The following RGL2 variants were observed in gnomAD, a reference collection of about 807,000 sequenced individuals.
RGL2 encodes ral guanine nucleotide dissociation stimulator like 2.
In RGL2, 40 loss-of-function variants were observed where a neutral mutation model predicts 84.6. The observed-to-expected ratio is 0.47, with a 90% confidence interval of 0.37 to 0.62. The LOEUF is 0.62. RGL2 is among the 20% of genes least tolerant of loss of function. The probability of loss-of-function intolerance (pLI) is 0.00; values close to 1 mark genes in which losing one functional copy is unlikely to be tolerated. For synonymous variants in RGL2, 369 were observed against 417.3 expected (o/e 0.88, Z 1.41); for missense variants, 865 against 1,019.7 (o/e 0.85, Z 2.07).
Position 33,298,443 on chromosome 6 carries a change from C to T in RGL2, c.156+12G>A, listed in dbSNP as rs753788752. 43 of 1,426,236 alleles carry T rather than the reference C, an allele frequency of 3.0e-5. No individual in the cohort carries two copies. Among genetic ancestry groups the T allele is most frequent in the Admixed American group, 1.5e-4 (7 of 47,730 alleles). The allele number at this position is 1,426,236 out of a possible 1,614,324, so 88.3% of individuals were successfully genotyped here. On this transcript the variant is annotated intron_variant, in intron 2 of 17. Transcript: ENST00000497454. This position sits in a 1 kb window ranked among gnomAD's most constrained non-coding sequence, Gnocchi z 4.8. ...TACATACGCCCCCTACCTCCCACCA[C>T]CCGCGTCTCACCTCTTCTTCTTCCT...
chr6:33,294,926 C>A lies in RGL2; in HGVS notation c.1278+51G>T. The A allele has an allele frequency of 1.3e-6, 2 of 1,540,300 alleles. No individual in the cohort carries two copies. Among genetic ancestry groups the A allele is most frequent in the Non-Finnish European group, 1.8e-6 (2 of 1,138,534 alleles). On this transcript the variant is annotated intron_variant, in intron 10 of 17. Coordinates refer to ENST00000497454, the MANE Select transcript of RGL2 (RefSeq NM_004761.5). This position sits in a 1 kb window ranked among gnomAD's most constrained non-coding sequence, Gnocchi z 5.0. ...GGCTGCTCCCCCAAAACATACTCCTCACCCCTTCATAATCACCACCCCCAC... is the reference window on the plus strand; with the variant it reads ...GGCTGCTCCCCCAAAACATACTCCTAACCCCTTCATAATCACCACCCCCAC...
Position 33,295,753 on chromosome 6 carries a change from A to G in RGL2, c.775T>C (p.Phe259Leu). 1 of 1,613,326 alleles carries G rather than the reference A, an allele frequency of 6.2e-7. No homozygotes were observed. The highest frequency in any genetic ancestry group is 8.5e-7 in the Non-Finnish European group (1 of 1,179,718). The change falls in exon 7 of 18, where the codon TTT becomes CTT. Residue 259 changes from phenylalanine to leucine, a missense_variant. This residue lies in a region of RGL2 where 455 missense variants were observed against 507.8 expected (regional missense o/e 0.90). Transcript: ENST00000497454. This position sits in a 1 kb window ranked among gnomAD's most constrained non-coding sequence, Gnocchi z 7.2. The part of the protein sequence containing the change: ...EQLTLLDAEL[F>L]LNLIPSQCLG... ...CACTGAGAGGGGATCAAATTGAGAA[A>G]AAGTTCCTGCAGGGTAGAGGTCAGA...
At position 33,294,613 on chromosome 6, in the gene RGL2, A is replaced by G. The variant is rs969408982; in HGVS notation, c.1353+75T>C. The G allele has an allele frequency of 1.5e-5, 23 of 1,537,252 alleles. No individual in the cohort carries two copies. Among genetic ancestry groups the G allele is most frequent in the Admixed American group, 7.0e-5 (4 of 57,266 alleles). On this transcript the variant is annotated intron_variant, in intron 11 of 17. Transcript: ENST00000497454. The surrounding 1 kb of genome is among the most constrained non-coding windows in gnomAD (Gnocchi z 5.0). ...TATTTGTGCCTTACAGCCCCTTGCA[A>G]GGGGCGGGGGGGTCTGTCCGACCCT...
In RGL2 at chr6:33,292,279, G is replaced by A. The variant is rs377377680; in HGVS notation, c.2157C>T (p.Tyr719=). 2.9e-5 allele frequency: 47 copies of A among 1,614,166 alleles called. No individual in the cohort carries two copies. In the African/African-American group the frequency reaches 3.9e-4, roughly 13 times the overall value. ...AATCGTGTGAAGCTCCATCCATGGC[G>A]TAGAATACATTAGCCGAGGCTGGGA... The part of the protein sequence containing the change: ...LTIPASANVF[Y]AMDGASHDFL... Residue 719 remains tyrosine (Y), a synonymous_variant, in exon 18 of 18, where the codon TAC becomes TAT. Transcript: ENST00000497454.
At position 33,298,435 on chromosome 6, in the gene RGL2, T is replaced by A. The variant is rs1372256846; in HGVS notation, c.156+20A>T. On this transcript the variant is annotated intron_variant, in intron 2 of 17. Coordinates refer to ENST00000497454, the MANE Select transcript of RGL2 (RefSeq NM_004761.5). This position sits in a 1 kb window ranked among gnomAD's most constrained non-coding sequence, Gnocchi z 4.8. ...TTCAGAAATACATACGCCCCCTACC[T>A]CCCACCACCCGCGTCTCACCTCTTC... 3.7e-5 allele frequency: 51 copies of A among 1,366,178 alleles called. No homozygotes were observed. The highest frequency in any genetic ancestry group is 4.9e-5 in the Non-Finnish European group (49 of 994,038). The allele number at this position is 1,366,178 out of a possible 1,614,324, so 84.6% of individuals were successfully genotyped here. A position where few individuals can be genotyped will look rare whatever the true frequency, so the allele number is the denominator to read the frequency against.
In RGL2 at chr6:33,294,750, A is replaced by G; in HGVS notation, c.1291T>C (p.Tyr431His). The G allele has an allele frequency of 6.2e-7, 1 of 1,614,030 alleles. No individual in the cohort carries two copies. The highest frequency in any genetic ancestry group is 8.5e-7 in the Non-Finnish European group (1 of 1,179,984). ...SGSRGGGVVPYLGTFLKDLVM... is the reference protein window; with the variant it reads ...SGSRGGGVVPHLGTFLKDLVM... Reference sequence around the variant, plus strand: ...AGGTCCTTCAGGAAGGTGCCAAGGTATGGGACCACACCCTGAAGTCAGGGG... The same window carrying G: ...AGGTCCTTCAGGAAGGTGCCAAGGTGTGGGACCACACCCTGAAGTCAGGGG... Residue 431 changes from tyrosine to histidine, a missense_variant, in exon 11 of 18, where the codon TAC (tyrosine) becomes CAC (histidine). Around this residue, in one of 5 missense-constraint regions of RGL2, gnomAD observed 75 missense variants for 130.8 expected, o/e 0.57. Transcript: ENST00000497454. This position sits in a 1 kb window ranked among gnomAD's most constrained non-coding sequence, Gnocchi z 5.0.
chr6:33,297,246 G>A lies in RGL2; in HGVS notation c.157-131C>T, dbSNP rs574293743. 6 of 692,148 alleles carry A rather than the reference G, an allele frequency of 8.7e-6. No individual in the cohort carries two copies. The highest frequency in any genetic ancestry group is 8.4e-5 in the East Asian group (3 of 35,710). 42.9% of individuals were successfully genotyped at this position (692,148 alleles called of 1,614,324 possible). A position where few individuals can be genotyped will look rare whatever the true frequency, so the allele number is the denominator to read the frequency against. On this transcript the variant is annotated intron_variant, in intron 2 of 17. Coordinates refer to ENST00000497454, the MANE Select transcript of RGL2 (RefSeq NM_004761.5). This position sits in a 1 kb window ranked among gnomAD's most constrained non-coding sequence, Gnocchi z 4.0. ...GGCAGGGCATAGTACCAGCGAGTGC[G>A]AGGAAGGGTTGGGGGAGCTGGTGAC...
Position 33,297,033 on chromosome 6 carries a change from A to C in RGL2, c.239T>G (p.Leu80Trp), listed in dbSNP as rs139385178. The C allele has an allele frequency of 2.0e-4, 320 of 1,584,508 alleles. No homozygotes were observed. The highest frequency in any genetic ancestry group is 5.1e-4 in the Middle Eastern group (3 of 5,908). ...TSRQYRPLDP[L>W]VPMPPPRSSR... ...GAGAAGCTAAAGTCATGATCTCACC[A>C]AGGGATCAAGAGGTCGATATTGGCG... The change falls in exon 3 of 18, where the codon TTG (leucine) becomes TGG (tryptophan). Residue 80 changes from leucine to tryptophan, a missense_variant and splice_region_variant. Transcript: ENST00000497454. The surrounding 1 kb of genome is among the most constrained non-coding windows in gnomAD (Gnocchi z 4.0).
rs373206161 is a variant in RGL2 at position 33,296,434 on chromosome 6, G to A, written c.450C>T (p.Asp150=). 6.8e-6 allele frequency: 11 copies of A among 1,611,284 alleles called. No individual in the cohort carries two copies. Among genetic ancestry groups the A allele is most frequent in the South Asian group, 1.1e-5 (1 of 90,660 alleles). Residue 150 remains aspartate, a synonymous_variant, in exon 5 of 18, where the codon GAC becomes GAT. Transcript: ENST00000497454. The surrounding 1 kb of genome is among the most constrained non-coding windows in gnomAD (Gnocchi z 5.0). The part of the protein sequence containing the change: ...RLEALESHPT[D]ELERTTEVAI... ...CTCACTCTGTTGTCCTCTCTAGTTC[G>A]TCGGTAGGATGAGATTCAAGGGCTT...
In RGL2 at chr6:33,298,620, A is replaced by T. The variant is rs976716615; in HGVS notation, c.-10T>A. 1.4e-6 allele frequency: 2 copies of T among 1,445,322 alleles called. No homozygotes were observed. Among genetic ancestry groups the T allele is most frequent in the African/African-American group, 3.0e-5 (2 of 66,456 alleles). The allele number at this position is 1,445,322 out of a possible 1,614,324, so 89.5% of individuals were successfully genotyped here. On this transcript the variant is annotated 5_prime_UTR_variant, in exon 2 of 18. Transcript: ENST00000497454. The surrounding 1 kb of genome is among the most constrained non-coding windows in gnomAD (Gnocchi z 4.8). ...GGGGCCGCGGGAGCATGGCCGAGTG[A>T]AGGAATCAGCGGGGTCGGGCCATGG...
rs151055441 is a variant in RGL2 at position 33,295,997 on chromosome 6, G to C, written c.768+31C>G. 16,671 of 1,612,610 alleles carry C rather than the reference G, an allele frequency of 0.01. 153 individuals carry two copies. The highest frequency in any genetic ancestry group is 0.028 in the Middle Eastern group (171 of 6,044). On this transcript the variant is annotated intron_variant, in intron 6 of 17. Transcript: ENST00000497454. This position sits in a 1 kb window ranked among gnomAD's most constrained non-coding sequence, Gnocchi z 7.2. ...CAAGGAGAGGTTAGTAAGGGGTCAG[G>C]GGGCATAGGGGCCAGAGGTCAGGGT...
At chr6:33,292,600 T>C in intron 16 of RGL2, 56 bp from the exon 17 acceptor site, 1 of 1,432,678 alleles carries the variant, frequency 7.0e-7, no homozygotes, top group Non-Finnish European at 9.8e-7. Flanking sequence ...CCCATCCTTC[T>C]ACCCTCAGCC....
rs747617488 is a variant in RGL2, at chr6:33,295,431, G to C, written c.1021-9C>G. The C allele has an allele frequency of 6.2e-7, 1 of 1,612,970 alleles. No homozygotes were observed. The highest frequency in any genetic ancestry group is 1.7e-5 in the Admixed American group (1 of 60,008). On this transcript the variant is annotated splice_polypyrimidine_tract_variant and intron_variant, in intron 7 of 17. Transcript: ENST00000497454. This position sits in a 1 kb window ranked among gnomAD's most constrained non-coding sequence, Gnocchi z 7.2. ...CGGAGCAGCCGGCACTCCTGTGGGGGTCAAAGAAGAGAGCTAAGGCTATGG... is the reference window on the plus strand; with the variant it reads ...CGGAGCAGCCGGCACTCCTGTGGGGCTCAAAGAAGAGAGCTAAGGCTATGG...
In RGL2 at chr6:33,292,831, A is replaced by T. The variant is rs1389055512; in HGVS notation, c.2007+185T>A. On this transcript the variant is annotated intron_variant, in intron 16 of 17. Coordinates refer to ENST00000497454, the MANE Select transcript of RGL2 (RefSeq NM_004761.5). Reference sequence around the variant, plus strand: ...TGCAAAATAGCCATCAAAATAAAACAAATTTCAGCTTCTATTGAAGACTAG... The same window carrying T: ...TGCAAAATAGCCATCAAAATAAAACTAATTTCAGCTTCTATTGAAGACTAG... Among the ~76,000 whole-genome samples the T allele has an allele frequency of 2.0e-5, 3 of 152,258 alleles. No homozygotes were observed. In the East Asian group the frequency reaches 5.8e-4, roughly 29 times the overall value.
At position 33,293,510 on chromosome 6, in the gene RGL2, A is replaced by G. The variant is rs749569880; in HGVS notation, c.1619T>C (p.Val540Ala). The G allele has an allele frequency of 2.1e-5, 34 of 1,613,842 alleles. No individual in the cohort carries two copies. The South Asian group carries it at 3.5e-4, about 17-fold the overall frequency. Residue 540 changes from valine (V) to alanine (A), a missense_variant, in exon 15 of 18, where the codon GTT (valine) becomes GCT (alanine). Val to Ala is a moderately conservative substitution (Grantham distance 64, BLOSUM62 0). Around this residue, in one of 5 missense-constraint regions of RGL2, gnomAD observed 302 missense variants for 327.9 expected, o/e 0.92. Transcript: ENST00000497454. The surrounding 1 kb of genome is among the most constrained non-coding windows in gnomAD (Gnocchi z 7.0). ...ISQWTEVLGS[V>A]GVPTPLVSCD... ...GGACACAAGCGGGGTAGGGACCCCA[A>G]CAGAGCCCAAAACCCTGCAGTGGCA...
upstream of RGL2, chr6:33,299,061 A>T (rs1183633964): frequency 6.5e-6 from 1 of 154,152 alleles, no homozygotes; most frequent in Non-Finnish European, 1.4e-5. The surrounding 1 kb of genome is among the most constrained non-coding windows in gnomAD (Gnocchi z 5.0). Flanking sequence ...AGGGGAAGGA[A>T]GTGAGGACAG....
chr6:33,297,420 C>A lies in RGL2; in HGVS notation c.157-305G>T, dbSNP rs1288981798. The A allele has an allele frequency of 5.3e-6, 2 of 376,416 alleles. No individual in the cohort carries two copies. The highest frequency in any genetic ancestry group is 8.1e-5 in the East Asian group (2 of 24,766). The allele number at this position is 376,416 out of a possible 1,614,324, so 23.3% of individuals were successfully genotyped here. On this transcript the variant is annotated intron_variant, in intron 2 of 17. Coordinates refer to ENST00000497454, the MANE Select transcript of RGL2 (RefSeq NM_004761.5). This position sits in a 1 kb window ranked among gnomAD's most constrained non-coding sequence, Gnocchi z 4.0. ...AAAGCCCCTTCTCCCCAGAGCTGAA[C>A]CCACACACGACAGAGAAGCAGGGTA...
In RGL2 at chr6:33,293,542, T is replaced by G; in HGVS notation, c.1605-18A>C. The G allele has an allele frequency of 6.2e-7, 1 of 1,613,100 alleles. No homozygotes were observed. Among genetic ancestry groups the G allele is most frequent in the Non-Finnish European group, 8.5e-7 (1 of 1,179,454 alleles). On this transcript the variant is annotated intron_variant, in intron 14 of 17. Coordinates refer to ENST00000497454, the MANE Select transcript of RGL2 (RefSeq NM_004761.5). This position sits in a 1 kb window ranked among gnomAD's most constrained non-coding sequence, Gnocchi z 7.0. ...CCAAAACCCTGCAGTGGCAGGAGAT[T>G]GGGAGGATCAGAGAAAAGTGGAAGT...
At position 33,295,537 on chromosome 6, in the gene RGL2, G is replaced by C. The variant is rs374619906; in HGVS notation, c.991C>G (p.Leu331Val). The change falls in exon 7 of 18, where the codon CTC (leucine) becomes GTC (valine). Residue 331 changes from leucine to valine, a missense_variant. Leu to Val is a conservative substitution (Grantham distance 32). This residue lies in a region of RGL2 where 455 missense variants were observed against 507.8 expected (regional missense o/e 0.90). Coordinates refer to ENST00000497454, the MANE Select transcript of RGL2 (RefSeq NM_004761.5). This position sits in a 1 kb window ranked among gnomAD's most constrained non-coding sequence, Gnocchi z 7.2. ...RPLRPPQRAR[L>V]LEKWIRVAEE... ...GCCACGCGGATCCACTTCTCCAGGA[G>C]CCGGGCCCTCTGTGGGGGACGGAGT... The C allele has an allele frequency of 1.2e-6, 2 of 1,613,788 alleles. No individual in the cohort carries two copies. The highest frequency in any genetic ancestry group is 1.7e-6 in the Non-Finnish European group (2 of 1,179,960).
Sources: allele counts gnomAD v4.1 joint callset (sites outside exome capture counted in the v4.1 genomes callset), GRCh38; gene constraint gnomAD v4.1.1; regional missense constraint gnomAD v4.1.1; non-coding constraint Gnocchi (gnomAD v3.1); transcripts MANE v1.5; gene names NCBI Gene and HGNC (gene_info 2026-07-23, HGNC 2026-07-21).